ZBTB16: variants seen among roughly 807,000 people sequenced by gnomAD.
The protein encoded by ZBTB16 is zinc finger and BTB domain-containing protein 16.
A neutral mutation model predicts 56.8 loss-of-function variants in ZBTB16; 8 were observed. The ratio of observed to expected loss-of-function variants is 0.14; its 90% CI spans 0.08 to 0.25. ZBTB16 has a LOEUF of 0.25. ZBTB16 is among the 10% of genes least tolerant of loss of function. The pLI is 1.00. For synonymous variants in ZBTB16, 363 were observed against 368.5 expected (o/e 0.98, Z 0.17); for missense variants, 625 against 903.0 (o/e 0.69, Z 3.95).
At chr11:114,085,359 G>A (rs1021156869) in intron 2 of ZBTB16, among the ~76,000 whole-genome samples, 1 of 152,160 alleles carries the variant, frequency 6.6e-6, no homozygotes, top group Non-Finnish European at 1.5e-5. Flanking sequence ...CTTAGCCATA[G>A]GTATTCAATT....
intron 2 of ZBTB16, among the ~76,000 whole-genome samples, chr11:114,094,314 CA>C (rs1205794990): frequency 1.3e-5 from 2 of 151,122 alleles, no homozygotes; most frequent in African/African-American, 2.4e-5. Context: ...GACTCCGTCT[CA>C]AAAAAATAAA....
At chr11:114,075,627 TTGTATATA>T (rs1267990645) in intron 2 of ZBTB16, among the ~76,000 whole-genome samples, 1 of 67,116 alleles carries the variant, frequency 1.5e-5, no homozygotes. Flanking sequence ...TGGCTAATTT[TTGTATATA>T]TATATATATA....
chr11:114,192,380 C>T (rs982183340), intron 4 of ZBTB16, among the ~76,000 whole-genome samples: 2 of 152,126 alleles, frequency 1.3e-5, no homozygotes, highest in Non-Finnish European at 2.9e-5. Flanking sequence ...GCTGGACTCT[C>T]CTTCTCAGTA....
chr11:114,152,822 A>G (rs977833614), intron 2 of ZBTB16, among the ~76,000 whole-genome samples: 1 of 152,258 alleles, frequency 6.6e-6, no homozygotes, highest in African/African-American at 2.4e-5. Flanking sequence ...TTCCTGTCAC[A>G]GTGGAGGCTG....
chr11:114,068,817 A>G (rs1784684), intron 2 of ZBTB16, among the ~76,000 whole-genome samples: 30,040 of 152,182 alleles, frequency 0.2, 3,250 homozygotes, highest in Admixed American at 0.34. Flanking sequence ...GAACCAGCTC[A>G]TCCAGGCCAG....
At chr11:114,106,465 C>T (rs948747476) in intron 2 of ZBTB16, among the ~76,000 whole-genome samples, 6 of 150,868 alleles carry the variant, frequency 4.0e-5, no homozygotes, top group Non-Finnish European at 5.9e-5. Context: ...TATGATTTCA[C>T]GATCTTCTTT....
chr11:114,069,987 T>G (rs1939267452), intron 2 of ZBTB16, among the ~76,000 whole-genome samples: 1 of 152,212 alleles, frequency 6.6e-6, no homozygotes, highest in Non-Finnish European at 1.5e-5. Context: ...CCTGCTTAGT[T>G]TGAATATTCA....
chr11:114,075,350 T>G (rs770348791), intron 2 of ZBTB16, among the ~76,000 whole-genome samples: 3 of 152,192 alleles, frequency 2.0e-5, no homozygotes, highest in Admixed American at 1.3e-4. Flanking sequence ...AAGTAGGTGA[T>G]GTATAGAGAA....
At position 114,063,225 on chromosome 11, in the gene ZBTB16, C is replaced by T. The variant is rs1591630289; in HGVS notation, c.-76C>T. The T allele has an allele frequency of 6.5e-7, 1 of 1,549,546 alleles. No individual in the cohort carries two copies. Among genetic ancestry groups the T allele is most frequent in the East Asian group, 2.3e-5 (1 of 43,226 alleles). On this transcript the variant is annotated 5_prime_UTR_variant, in exon 2 of 7. Coordinates refer to ENST00000335953, the MANE Select transcript of ZBTB16 (RefSeq NM_006006.6). This position sits in a 1 kb window ranked among gnomAD's most constrained non-coding sequence, Gnocchi z 6.5. Reference sequence around the variant, plus strand: ...CTTTCTCCTAGCCTCCTCTATTGGCCCAGGAAGCCCACCCAGCCCCGCCAC... The same window carrying T: ...CTTTCTCCTAGCCTCCTCTATTGGCTCAGGAAGCCCACCCAGCCCCGCCAC...
intron 2 of ZBTB16, among the ~76,000 whole-genome samples, chr11:114,152,732 G>T (rs774179476): frequency 1.3e-5 from 2 of 152,220 alleles, no homozygotes; most frequent in Non-Finnish European, 2.9e-5. Context: ...TCTTCTCAGA[G>T]AAGAGTGTGT....
chr11:114,170,058 T>C (rs986295921), intron 3 of ZBTB16, among the ~76,000 whole-genome samples: 3 of 152,028 alleles, frequency 2.0e-5, no homozygotes, highest in Non-Finnish European at 2.9e-5. Context: ...GGCCTGGAGG[T>C]TGAGAAACAC....
At chr11:114,081,661 G>A (rs1418581633) in intron 2 of ZBTB16, among the ~76,000 whole-genome samples, 2 of 152,170 alleles carry the variant, frequency 1.3e-5, no homozygotes, top group African/African-American at 4.8e-5. Context: ...AACTGTGTAA[G>A]GGTGATTTTG....
intron 4 of ZBTB16, among the ~76,000 whole-genome samples, chr11:114,196,308 G>A (rs1416344307): frequency 6.6e-6 from 1 of 152,160 alleles, no homozygotes; most frequent in Non-Finnish European, 1.5e-5. Flanking sequence ...AACCATGTCT[G>A]CTATCACCAG....
rs1335875750 is a variant in ZBTB16 at position 114,250,727 on chromosome 11, T to A, written c.*172T>A. The A allele has an allele frequency of 1.4e-6, 1 of 717,826 alleles. No individual in the cohort carries two copies. Among genetic ancestry groups the A allele is most frequent in the Non-Finnish European group, 2.3e-6 (1 of 441,356 alleles). 44.5% of individuals were successfully genotyped at this position (717,826 alleles called of 1,614,324 possible). On this transcript the variant is annotated 3_prime_UTR_variant, in exon 7 of 7. Transcript: ENST00000335953. This position sits in a 1 kb window ranked among gnomAD's most constrained non-coding sequence, Gnocchi z 6.0. ...CTCTCTGGGCTCCAGATGACCTGGA[T>A]GCCAAGCCACTGCCCCTCCTCTGGG...
chr11:114,129,913 G>A (rs970381295), intron 2 of ZBTB16, among the ~76,000 whole-genome samples: 2 of 152,154 alleles, frequency 1.3e-5, no homozygotes, highest in African/African-American at 4.8e-5. Context: ...GCTTCTCTGA[G>A]TGCCGCACCG....
intron 4 of ZBTB16, among the ~76,000 whole-genome samples, chr11:114,227,459 T>A (rs559434814): frequency 1.3e-5 from 2 of 152,340 alleles, no homozygotes; most frequent in African/African-American, 4.8e-5. Flanking sequence ...ATTTGTGCAA[T>A]CCTTTATCCA....
At chr11:114,141,168 T>A (rs1941935011) in intron 2 of ZBTB16, among the ~76,000 whole-genome samples, 1 of 152,150 alleles carries the variant, frequency 6.6e-6, no homozygotes, top group African/African-American at 2.4e-5. Flanking sequence ...TAACACCAAG[T>A]CTTGGCTCAT....
intron 2 of ZBTB16, among the ~76,000 whole-genome samples, chr11:114,119,628 T>TG (rs1941285869): frequency 6.6e-6 from 1 of 152,192 alleles, no homozygotes; most frequent in Non-Finnish European, 1.5e-5. Context: ...AGAAAACTTC[T>TG]GTTTGGGTCT....
At position 114,143,038 on chromosome 11, in the gene ZBTB16, T is replaced by G. The variant is rs540772794; in HGVS notation, c.1269-13299T>G. ...TTTGTTTATGGGGAAATAAAGCCCC[T>G]GGCCAGCGTTGGTTTCTCTGCTGCC... On this transcript the variant is annotated intron_variant, in intron 2 of 6. Transcript: ENST00000335953. The surrounding 1 kb of genome is among the most constrained non-coding windows in gnomAD (Gnocchi z 6.4). Among the ~76,000 whole-genome samples, 1 of 152,292 alleles carries G rather than the reference T, an allele frequency of 6.6e-6. No individual in the cohort carries two copies. Among genetic ancestry groups the G allele is most frequent in the East Asian group, 1.9e-4 (1 of 5,188 alleles).
Sources: gnomAD v4.1 joint callset for allele counts (sites outside exome capture counted in the v4.1 genomes callset) on GRCh38, gnomAD v4.1.1 for gene constraint, Gnocchi (gnomAD v3.1) non-coding constraint, MANE v1.5 for transcripts, NCBI Gene and HGNC (gene_info 2026-07-23, HGNC 2026-07-21) for gene names.